PPM1L: variants seen among roughly 807,000 people sequenced by gnomAD.
PPM1L encodes protein phosphatase 1L.
Under a neutral mutation model 31.4 loss-of-function variants are expected in PPM1L, and 13 were observed. The ratio of observed to expected loss-of-function variants is 0.41; its 90% confidence interval spans 0.27 to 0.66. The LOEUF (loss-of-function observed/expected upper bound fraction) is 0.66. Ranked by LOEUF, PPM1L falls within the 30% of genes least tolerant of loss-of-function variation. The probability of loss-of-function intolerance (pLI) is 0.29; values close to 1 mark genes in which losing one functional copy is unlikely to be tolerated. For missense variants in PPM1L, 326 were observed against 453.7 expected (o/e 0.72, Z 2.56); for synonymous variants, 184 against 175.4 (o/e 1.05, Z -0.39).
chr3:161,026,198 T>A (rs1375051998), intron 2 of PPM1L, among the ~76,000 whole-genome samples: 2 of 152,148 alleles, frequency 1.3e-5, no homozygotes, highest in Non-Finnish European at 2.9e-5. Context: ...ATGGTAAGAG[T>A]TTGTACTGCC....
Position 160,876,746 on chromosome 3 carries a change from T to A in PPM1L, c.400-84990T>A, listed in dbSNP as rs376479237. On this transcript the variant is annotated intron_variant, in intron 1 of 3. Transcript: ENST00000498165. ...AGTCTCTGTGTGGGCACAACTACAA[T>A]GCTACAATGGCTGGAGCACCATATT... Among the ~76,000 whole-genome samples, 56 of 152,336 alleles carry A rather than the reference T, an allele frequency of 3.7e-4. 1 individual carries two copies. The South Asian group carries it at 0.011, about 30-fold the overall frequency.
At chr3:160,919,922 G>A (rs539272269) in intron 1 of PPM1L, among the ~76,000 whole-genome samples, 3 of 152,014 alleles carry the variant, frequency 2.0e-5, no homozygotes, top group South Asian at 2.1e-4. Flanking sequence ...ATCTGATGTC[G>A]CCCATTGTTG....
chr3:161,018,787 G>A (rs182874888), intron 2 of PPM1L, among the ~76,000 whole-genome samples: 4 of 152,256 alleles, frequency 2.6e-5, no homozygotes, highest in East Asian at 1.9e-4. Context: ...GACAAGAATC[G>A]AAGCAGAACT....
chr3:160,941,452 C>T (rs1715159559), intron 1 of PPM1L, among the ~76,000 whole-genome samples: 1 of 152,160 alleles, frequency 6.6e-6, no homozygotes, highest in East Asian at 1.9e-4. Context: ...AGGGACCCCG[C>T]AGAGGTAATT....
chr3:161,019,706 G>A (rs1312079345), intron 2 of PPM1L, among the ~76,000 whole-genome samples: 1 of 150,980 alleles, frequency 6.6e-6, no homozygotes, highest in African/African-American at 2.5e-5. Context: ...TGCATCATCA[G>A]TCAGTTAGCT....
intron 1 of PPM1L, among the ~76,000 whole-genome samples, chr3:160,804,097 T>TC (rs1380958955): frequency 3.3e-5 from 5 of 151,582 alleles, no homozygotes; most frequent in Non-Finnish European, 7.4e-5. Context: ...TTTTTTCTTT[T>TC]TTTTTTTTCT....
intron 1 of PPM1L, among the ~76,000 whole-genome samples, chr3:160,818,079 G>A (rs978092982): frequency 4.6e-5 from 7 of 151,952 alleles, no homozygotes; most frequent in African/African-American, 1.7e-4. Context: ...AACCCAAAAA[G>A]TACTAGTCAG....
intron 1 of PPM1L, among the ~76,000 whole-genome samples, chr3:160,790,501 G>A (rs1712073411): frequency 6.6e-6 from 1 of 152,086 alleles, no homozygotes; most frequent in Non-Finnish European, 1.5e-5. Context: ...AATTCAGGGA[G>A]ATGAACACCT....
chr3:160,841,761 C>G (rs1433593808), intron 1 of PPM1L, among the ~76,000 whole-genome samples: 1 of 152,150 alleles, frequency 6.6e-6, no homozygotes, highest in Admixed American at 6.5e-5. Flanking sequence ...CTTGATAACA[C>G]ATAAGGACTT....
intron 2 of PPM1L, among the ~76,000 whole-genome samples, chr3:160,967,390 G>A (rs1282378688): frequency 3.9e-5 from 6 of 151,958 alleles, no homozygotes; most frequent in South Asian, 2.1e-4. Flanking sequence ...ATTTCTCACA[G>A]TTCTGTAGGC....
chr3:160,891,268 C>G (rs954576084), intron 1 of PPM1L, among the ~76,000 whole-genome samples: 2 of 151,138 alleles, frequency 1.3e-5, no homozygotes, highest in Non-Finnish European at 2.9e-5. Flanking sequence ...GGAGCTTAAA[C>G]AAATTTACAA....
At chr3:161,026,313 A>AGGAGGGCCTTTAATCCACAG (rs1440752948) in intron 2 of PPM1L, among the ~76,000 whole-genome samples, 1 of 152,204 alleles carries the variant, frequency 6.6e-6, no homozygotes, top group Non-Finnish European at 1.5e-5. Context: ...TTTCCACAAA[A>AGGAGGGCCTTTAATCCACAG]GGAGGGCCTT....
chr3:160,850,638 A>G (rs982183662), intron 1 of PPM1L, among the ~76,000 whole-genome samples: 1 of 152,170 alleles, frequency 6.6e-6, no homozygotes, highest in African/African-American at 2.4e-5. Flanking sequence ...TAAGTATACA[A>G]AAAGAAACAT....
intron 2 of PPM1L, among the ~76,000 whole-genome samples, chr3:161,054,865 G>A (rs1194933797): frequency 6.6e-6 from 1 of 151,990 alleles, no homozygotes; most frequent in African/African-American, 2.4e-5. Flanking sequence ...CATATAGATA[G>A]ATCATTTTCC....
chr3:160,975,249 A>G (rs562406622), intron 2 of PPM1L, among the ~76,000 whole-genome samples: 120 of 152,166 alleles, frequency 7.9e-4, no homozygotes, highest in African/African-American at 2.7e-3. Flanking sequence ...TTTTGGTACC[A>G]GTACCATGCT....
intron 1 of PPM1L, among the ~76,000 whole-genome samples, chr3:160,936,576 A>G (rs1373018987): frequency 1.3e-5 from 2 of 152,226 alleles, no homozygotes; most frequent in African/African-American, 2.4e-5. Flanking sequence ...TTCAGAATCA[A>G]CAAAATTGTT....
intron 1 of PPM1L, among the ~76,000 whole-genome samples, chr3:160,920,652 CACACACACACACACAT>C (rs1367913326): frequency 4.1e-4 from 62 of 151,118 alleles, no homozygotes; most frequent in East Asian, 1.4e-3. Context: ...CACACACACA[CACACACACACACACAT>C]ATTAAAGATC....
rs546115797 is a variant in PPM1L, at chr3:161,016,537, C to T, written c.575-48866C>T. 1.3e-3 allele frequency among the ~76,000 whole-genome samples: 196 copies of T among 152,302 alleles called. 1 individual carries two copies. The highest frequency in any genetic ancestry group is 3.7e-3 in the African/African-American group (153 of 41,564). ...GGGAGATGTTAAATTGGATTTCACA[C>T]GCTCACAGGACATTCAGGCTGAAGT... On this transcript the variant is annotated intron_variant, in intron 2 of 3. Coordinates refer to ENST00000498165, the MANE Select transcript of PPM1L (RefSeq NM_139245.4).
At chr3:161,007,241 G>T (rs1322137544) in intron 2 of PPM1L, among the ~76,000 whole-genome samples, 4 of 152,212 alleles carry the variant, frequency 2.6e-5, no homozygotes, top group African/African-American at 9.7e-5. Context: ...GATGAGCGGG[G>T]CAAGGAATGC....
Sources: gnomAD v4.1 joint callset for allele counts (sites outside exome capture counted in the v4.1 genomes callset) on GRCh38, gnomAD v4.1.1 for gene constraint, MANE v1.5 for transcripts, NCBI Gene and HGNC (gene_info 2026-07-23, HGNC 2026-07-21) for gene names.